ITPR2: variants seen among roughly 807,000 people sequenced by gnomAD.
ITPR2 encodes inositol 1,4,5-trisphosphate receptor type 2.
ITPR2 carries 207 observed loss-of-function variants against 317.1 expected under a neutral mutation model. That is an observed-to-expected ratio of 0.65 (90% CI 0.58 to 0.73). ITPR2 has a LOEUF of 0.73. ITPR2 is among the 30% of genes least tolerant of loss of function. ITPR2 has a pLI of 0.00. For missense variants in ITPR2, 2,613 were observed against 3,284.0 expected (o/e 0.80, Z 4.99); for synonymous variants, 1,156 against 1,149.1 (o/e 1.01, Z -0.12).
In ITPR2 at chr12:26,811,894, T is replaced by G. The variant is rs1015744341; in HGVS notation, c.92+20796A>C. Among the ~76,000 whole-genome samples the G allele has an allele frequency of 2.8e-5, 4 of 141,402 alleles. No homozygotes were observed. The East Asian group carries it at 6.3e-4, about 22-fold the overall frequency. The allele number at this position is 141,402 out of a possible 152,430, so 92.8% of individuals were successfully genotyped here. On this transcript the variant is annotated intron_variant, in intron 1 of 56. Coordinates refer to ENST00000381340, the MANE Select transcript of ITPR2 (RefSeq NM_002223.4). The stretch of plus-strand genomic sequence containing the variant: ...AAAAGAAATCTAGGGCCGGGCGTGG[T>G]GGCTCAAACCTGTAATCCCAGCACT...
intron 45 of ITPR2, among the ~76,000 whole-genome samples, chr12:26,451,369 A>T (rs1219787482): frequency 1.8e-4 from 4 of 22,160 alleles, no homozygotes; most frequent in African/African-American, 2.6e-4. Flanking sequence ...CTCATATCAC[A>T]CACACACACA....
intron 55 of ITPR2, among the ~76,000 whole-genome samples, chr12:26,376,585 G>A (rs970544568): frequency 4.0e-5 from 6 of 151,590 alleles, no homozygotes; most frequent in African/African-American, 7.3e-5. Flanking sequence ...AATCCATTTC[G>A]TATACTGCTA....
chr12:26,821,997 A>C (rs1297381219), intron 1 of ITPR2, among the ~76,000 whole-genome samples: 3 of 152,212 alleles, frequency 2.0e-5, no homozygotes, highest in South Asian at 2.1e-4. Flanking sequence ...TCTCATCTTT[A>C]GTTCTGATGA....
chr12:26,423,274 C>T (rs1940950200), intron 49 of ITPR2, among the ~76,000 whole-genome samples: 1 of 152,102 alleles, frequency 6.6e-6, no homozygotes, highest in Non-Finnish European at 1.5e-5. Flanking sequence ...GTTAAATGAA[C>T]ATATGGTGGA....
At chr12:26,720,934 C>A (rs1948826595) in intron 5 of ITPR2, among the ~76,000 whole-genome samples, 1 of 152,178 alleles carries the variant, frequency 6.6e-6, no homozygotes, top group African/African-American at 2.4e-5. Flanking sequence ...TCAATTATTT[C>A]ATCACATTCC....
intron 55 of ITPR2, among the ~76,000 whole-genome samples, chr12:26,386,751 A>G (rs1939676610): frequency 1.3e-5 from 2 of 152,218 alleles, no homozygotes; most frequent in Non-Finnish European, 2.9e-5. Context: ...GATACTCACT[A>G]AATGTGTACA....
chr12:26,811,439 T>C (rs1037548146), intron 1 of ITPR2, among the ~76,000 whole-genome samples: 3 of 149,428 alleles, frequency 2.0e-5, no homozygotes, highest in Non-Finnish European at 4.5e-5. Context: ...TGAAACCCCA[T>C]CTCTACTAAA....
intron 13 of ITPR2, 59 bp from the exon 14 acceptor site, chr12:26,666,110 T>C (rs1191423423): frequency 5.1e-6 from 6 of 1,168,294 alleles, no homozygotes; most frequent in Non-Finnish European, 7.1e-6. Flanking sequence ...GGAAAATGTA[T>C]AGATAGATGA....
rs1034392952 is a variant in ITPR2, at chr12:26,716,073, T to G, written c.624+71A>C. The G allele has an allele frequency of 1.5e-5, 15 of 983,534 alleles. No individual in the cohort carries two copies. The African/African-American group carries it at 2.3e-4, about 15-fold the overall frequency. 60.9% of individuals were successfully genotyped at this position (983,534 alleles called of 1,614,324 possible). A position where few individuals can be genotyped will look rare whatever the true frequency, so the allele number is the denominator to read the frequency against. ...TGCTCATGAAAACAATGAAAGAAAC[T>G]ATATTACTTTTTTCTCCCTCTGTCT... is the stretch of plus-strand genomic sequence containing the variant. On this transcript the variant is annotated intron_variant, in intron 6 of 56. Coordinates refer to ENST00000381340, the MANE Select transcript of ITPR2 (RefSeq NM_002223.4).
intron 13 of ITPR2, among the ~76,000 whole-genome samples, chr12:26,677,672 A>G (rs181691666): frequency 6.6e-6 from 1 of 152,366 alleles, no homozygotes; most frequent in Non-Finnish European, 1.5e-5. Context: ...AAAATAGACT[A>G]TCAGATTAGA....
At chr12:26,556,411 C>T (rs370559170) in intron 35 of ITPR2, 36 bp from the exon 36 acceptor site, 11 of 1,585,226 alleles carry the variant, frequency 6.9e-6, no homozygotes, top group Middle Eastern at 1.7e-4. Context: ...CACATGAAGG[C>T]GTAAGTCAGA....
intron 52 of ITPR2, among the ~76,000 whole-genome samples, chr12:26,404,073 G>A (rs1241705985): frequency 1.3e-5 from 2 of 152,162 alleles, no homozygotes; most frequent in African/African-American, 4.8e-5. Context: ...GAAGAGGAAA[G>A]AATGACTGGA....
intron 12 of ITPR2, 142 bp from the exon 13 acceptor site, chr12:26,682,176 A>G (rs1013277995): frequency 2.6e-5 from 17 of 662,704 alleles, no homozygotes; most frequent in Non-Finnish European, 3.8e-5. Context: ...ATCATCCACT[A>G]TGAAAGGCTG....
At chr12:26,590,683 A>G (rs903448656) in intron 32 of ITPR2, among the ~76,000 whole-genome samples, 4 of 152,196 alleles carry the variant, frequency 2.6e-5, no homozygotes, top group Non-Finnish European at 5.9e-5. Flanking sequence ...AGAAAACATC[A>G]GGGAAACTGT....
At chr12:26,793,678 ATAAT>A (rs1174555945) in intron 1 of ITPR2, among the ~76,000 whole-genome samples, 2 of 152,220 alleles carry the variant, frequency 1.3e-5, no homozygotes, top group African/African-American at 2.4e-5. Context: ...ATGGTGCTAA[ATAAT>A]TAATTGATGA....
intron 1 of ITPR2, among the ~76,000 whole-genome samples, chr12:26,802,581 A>G (rs1468440099): frequency 1.1e-4 from 1 of 9,108 alleles, no homozygotes; most frequent in Non-Finnish European, 2.7e-4. Flanking sequence ...ATAGATATAG[A>G]TATATCTATA....
At chr12:26,648,704 G>T (rs1405445847) in intron 21 of ITPR2, 1 of 151,838 alleles carries the variant, frequency 6.6e-6, no homozygotes, top group South Asian at 2.1e-4. Context: ...ACATTGCTAT[G>T]ACTCCTAACA....
intron 55 of ITPR2, among the ~76,000 whole-genome samples, chr12:26,366,314 C>A (rs1160920502): frequency 6.6e-6 from 1 of 152,148 alleles, no homozygotes; most frequent in East Asian, 1.9e-4. Context: ...TGTTCTTTTA[C>A]AAAACCTTTG....
At chr12:26,501,703 C>T (rs574510330) in intron 37 of ITPR2, among the ~76,000 whole-genome samples, 1 of 152,306 alleles carries the variant, frequency 6.6e-6, no homozygotes, top group Non-Finnish European at 1.5e-5. Context: ...AATATTCATT[C>T]ACCATAATGG....
Sources: allele counts gnomAD v4.1 joint callset (sites outside exome capture counted in the v4.1 genomes callset), GRCh38; gene constraint gnomAD v4.1.1; transcripts MANE v1.5; gene names NCBI Gene and HGNC (gene_info 2026-07-23, HGNC 2026-07-21).